Variants in RBFOX1 observed in about 807,000 individuals in gnomAD.
RBFOX1 encodes the protein RNA binding fox-1 homolog 1.
Under a neutral mutation model 57.7 loss-of-function variants are expected in RBFOX1, and 8 were observed. The ratio of observed to expected loss-of-function variants is 0.14; its 90% CI spans 0.08 to 0.25. RBFOX1 has a LOEUF of 0.25. Among genes scored for constraint, RBFOX1 ranks in the 10% least tolerant of loss-of-function variants. The pLI, the probability that RBFOX1 is intolerant of heterozygous loss-of-function variation, is 1.00. For synonymous variants in RBFOX1, 326 were observed against 222.4 expected (o/e 1.47, Z -4.15); for missense variants, 611 against 548.5 (o/e 1.11, Z -1.14).
chr16:6,726,226 C>T (rs1211989753), intron 3 of RBFOX1, among the ~76,000 whole-genome samples: 2 of 152,080 alleles, frequency 1.3e-5, no homozygotes, highest in African/African-American at 4.8e-5. Context: ...CCACTAATTC[C>T]TACCCCCTAC....
At chr16:6,042,682 A>G (rs1324825007) in intron 1 of RBFOX1, among the ~76,000 whole-genome samples, 1 of 152,168 alleles carries the variant, frequency 6.6e-6, no homozygotes, top group East Asian at 1.9e-4. Context: ...GGTCCTAAGA[A>G]AGCGTGTCTA....
At chr16:6,067,379 C>A (rs200809951) in intron 1 of RBFOX1, among the ~76,000 whole-genome samples, 4 of 130,588 alleles carry the variant, frequency 3.1e-5, no homozygotes, top group East Asian at 2.3e-4. Context: ...CAAAAACAAA[C>A]CAACCAAACA....
chr16:5,526,120 C>T (rs1163920526), intron 2 of RBFOX1, among the ~76,000 whole-genome samples: 1 of 152,100 alleles, frequency 6.6e-6, no homozygotes. Context: ...GCCTCCTTGG[C>T]TGCTCAGGCC....
At chr16:5,371,405 A>C (rs994396229) in intron 1 of RBFOX1, among the ~76,000 whole-genome samples, 4 of 152,186 alleles carry the variant, frequency 2.6e-5, no homozygotes, top group Non-Finnish European at 5.9e-5. Flanking sequence ...GGGAGAAGAG[A>C]GGCACCTGCA....
chr16:7,004,407 G>C (rs988125407), intron 3 of RBFOX1, among the ~76,000 whole-genome samples: 2 of 152,118 alleles, frequency 1.3e-5, no homozygotes, highest in Admixed American at 6.6e-5. Flanking sequence ...TTTAGTCTCA[G>C]AGACCCAAGC....
At position 7,672,984 on chromosome 16, in the gene RBFOX1, C is replaced by T. The variant is rs555702472; in HGVS notation, c.931-3790C>T. ...AAGATTTAAGTTGTATGTGTATATA[C>T]CAGCACACCTGTTTTGCACCAAGTG... On this transcript the variant is annotated intron_variant, in intron 13 of 15. Coordinates refer to ENST00000550418, the MANE Select transcript of RBFOX1 (RefSeq NM_018723.4). 8.7e-5 allele frequency among the ~76,000 whole-genome samples: 13 copies of T among 150,272 alleles called. No individual in the cohort carries two copies. In the East Asian group the frequency reaches 1.2e-3, roughly 14 times the overall value.
chr16:6,654,277 C>T (rs1259466054), intron 2 of RBFOX1, among the ~76,000 whole-genome samples: 2 of 152,186 alleles, frequency 1.3e-5, no homozygotes, highest in Admixed American at 1.3e-4. Context: ...GCAGTCTCTG[C>T]TGATGTGAAC....
intron 4 of RBFOX1, among the ~76,000 whole-genome samples, chr16:7,130,522 G>A (rs1445994239): frequency 6.6e-6 from 1 of 152,118 alleles, no homozygotes; most frequent in South Asian, 2.1e-4. Flanking sequence ...GCCTGACCCA[G>A]AGAGAGTGCA....
intron 3 of RBFOX1, among the ~76,000 whole-genome samples, chr16:7,026,777 A>G (rs534602148): frequency 6.6e-6 from 1 of 152,308 alleles, no homozygotes; most frequent in South Asian, 2.1e-4. Flanking sequence ...GCCAGAGGGC[A>G]CTATGCCACC....
chr16:5,845,825 G>C (rs1180138731), intron 3 of RBFOX1, among the ~76,000 whole-genome samples: 1 of 152,118 alleles, frequency 6.6e-6, no homozygotes, highest in African/African-American at 2.4e-5. Context: ...AGACAGCAGT[G>C]GTCTATAAAA....
intron 3 of RBFOX1, among the ~76,000 whole-genome samples, chr16:5,608,646 C>T (rs1254530423): frequency 6.6e-6 from 1 of 152,200 alleles, no homozygotes; most frequent in African/African-American, 2.4e-5. Context: ...TTGATTATTT[C>T]AGCTCTGTCC....
chr16:6,878,136 G>C (rs892339851), intron 3 of RBFOX1, among the ~76,000 whole-genome samples: 1 of 152,078 alleles, frequency 6.6e-6, no homozygotes, highest in Admixed American at 6.6e-5. Flanking sequence ...AGAAGTGATA[G>C]CTAATGTTTG....
chr16:5,688,922 A>G (rs1437965106), intron 3 of RBFOX1, among the ~76,000 whole-genome samples: 2 of 152,136 alleles, frequency 1.3e-5, no homozygotes, highest in Admixed American at 6.6e-5. Context: ...TAGATTAACT[A>G]TGGGGAATGT....
chr16:6,111,339 G>A (rs528289814), intron 1 of RBFOX1, among the ~76,000 whole-genome samples: 1 of 152,140 alleles, frequency 6.6e-6, no homozygotes, highest in African/African-American at 2.4e-5. Flanking sequence ...GTTAGAACTA[G>A]TTTTATGGTG....
chr16:5,442,017 C>T (rs1237696954), intron 1 of RBFOX1, among the ~76,000 whole-genome samples: 1 of 152,114 alleles, frequency 6.6e-6, no homozygotes, highest in Non-Finnish European at 1.5e-5. Flanking sequence ...GTAGGAAACT[C>T]TTCCTATGAC....
At chr16:5,289,850 C>A (rs7200558) in intron 1 of RBFOX1, among the ~76,000 whole-genome samples, 24,506 of 152,226 alleles carry the variant, frequency 0.16, 2,071 homozygotes, top group Middle Eastern at 0.26. Context: ...ACACAGAGTT[C>A]TATGACCCAG....
chr16:5,365,596 G>T (rs567850900), intron 1 of RBFOX1, among the ~76,000 whole-genome samples: 1 of 152,308 alleles, frequency 6.6e-6, no homozygotes, highest in African/African-American at 2.4e-5. Context: ...TTGTACCCTG[G>T]AGGTGGAGGT....
At chr16:7,236,810 T>G (rs969009645) in intron 4 of RBFOX1, among the ~76,000 whole-genome samples, 1 of 152,204 alleles carries the variant, frequency 6.6e-6, no homozygotes, top group Non-Finnish European at 1.5e-5. Context: ...GTGCCTGGGT[T>G]TGTCAACATA....
In RBFOX1 at chr16:7,265,958, GTTTTTGTTTTTTTTTTT is replaced by G. The variant is rs1330336400; in HGVS notation, c.27+213866_27+213882del. Among the ~76,000 whole-genome samples, 614 of 107,598 alleles carry G rather than the reference GTTTTTGTTTTTTTTTTT, an allele frequency of 5.7e-3. 13 individuals carry two copies. The highest frequency in any genetic ancestry group is 0.027 in the African/African-American group (587 of 21,762). 70.6% of individuals were successfully genotyped at this position (107,598 alleles called of 152,430 possible). On this transcript the variant is annotated intron_variant, in intron 4 of 15. Transcript: ENST00000550418. ...GTGAGTGAGTTATGAGATCTGGTGGGTTTTTGTTTTTTTTTTTTTTTTTTTTTTTTTTCTGAGAGGGA... is the reference window on the plus strand; with the variant it reads ...GTGAGTGAGTTATGAGATCTGGTGGGTTTTTTTTTTTTTTTCTGAGAGGGA...
Sources: allele counts gnomAD v4.1 joint callset (sites outside exome capture counted in the v4.1 genomes callset), GRCh38; gene constraint gnomAD v4.1.1; transcripts MANE v1.5; gene names NCBI Gene and HGNC (gene_info 2026-07-23, HGNC 2026-07-21).